The following SCHIP1 variants were observed in gnomAD, a reference collection of about 807,000 sequenced individuals.
The protein encoded by SCHIP1 is schwannomin interacting protein 1, also known as schwannomin-interacting protein 1.
Under a neutral mutation model 29.7 loss-of-function variants are expected in SCHIP1, and 8 were observed. The observed-to-expected ratio is 0.27, with a 90% CI of 0.16 to 0.49. The LOEUF is 0.49. Ranked by LOEUF, SCHIP1 falls within the 20% of genes least tolerant of loss-of-function variation. The pLI is 0.99. For synonymous variants in SCHIP1, 76 were observed against 94.9 expected, an observed-to-expected ratio of 0.80 and a Z score of 1.16; for missense variants, 193 against 294.6, an observed-to-expected ratio of 0.66 and a Z score of 2.52.
At chr3:159,356,807 C>CAGAT in the SCHIP1 span, among the ~76,000 whole-genome samples, 1 of 152,140 alleles carries the variant, frequency 6.6e-6, no homozygotes, top group Non-Finnish European at 1.5e-5. Flanking sequence ...TGGAGGCAGA[C>CAGAT]AGATAGAACA....
chr3:159,384,856 G>A, the SCHIP1 span, among the ~76,000 whole-genome samples: 1 of 152,168 alleles, frequency 6.6e-6, no homozygotes, highest in South Asian at 2.1e-4. Flanking sequence ...ATTTGTCAAG[G>A]AATTTATCCA....
the SCHIP1 span, among the ~76,000 whole-genome samples, chr3:159,565,760 C>T: frequency 6.6e-6 from 1 of 152,184 alleles, no homozygotes; most frequent in East Asian, 1.9e-4. Context: ...TCATTTTAGG[C>T]TTTAAACAAA....
the SCHIP1 span, among the ~76,000 whole-genome samples, chr3:159,428,702 A>G: frequency 6.6e-6 from 1 of 151,608 alleles, no homozygotes; most frequent in East Asian, 1.9e-4. Context: ...CTGGGTATAT[A>G]CCCAAAGGAC....
chr3:159,856,066 G>A (rs1029459082), intron 1 of SCHIP1, among the ~76,000 whole-genome samples: 14 of 152,172 alleles, frequency 9.2e-5, no homozygotes, highest in African/African-American at 3.4e-4. Flanking sequence ...AGCAGAATCC[G>A]AGGTGTATGT....
the SCHIP1 span, among the ~76,000 whole-genome samples, chr3:159,490,940 T>A: frequency 5.9e-4 from 90 of 152,332 alleles, no homozygotes; most frequent in African/African-American, 2.1e-3. Context: ...CCAAGTAAGA[T>A]CCTGGCTTGA....
chr3:159,296,790 A>C, the SCHIP1 span, among the ~76,000 whole-genome samples: 11 of 152,110 alleles, frequency 7.2e-5, no homozygotes, highest in Non-Finnish European at 1.6e-4. Flanking sequence ...AAAAAAAAAA[A>C]ATCTGTTCTC....
At chr3:159,414,711 G>T in the SCHIP1 span, among the ~76,000 whole-genome samples, 1 of 152,136 alleles carries the variant, frequency 6.6e-6, no homozygotes, top group Non-Finnish European at 1.5e-5. Context: ...ACCAGGGACC[G>T]GTTTTATGGA....
the SCHIP1 span, among the ~76,000 whole-genome samples, chr3:159,372,226 TTAAAA>T: frequency 1.3e-5 from 2 of 152,112 alleles, no homozygotes; most frequent in African/African-American, 2.4e-5. Context: ...AAAATTAGTC[TTAAAA>T]TAAGCCATGC....
the SCHIP1 span, among the ~76,000 whole-genome samples, chr3:159,345,357 A>C: frequency 6.6e-6 from 1 of 152,238 alleles, no homozygotes; most frequent in South Asian, 2.1e-4. Flanking sequence ...GCACTTCGGG[A>C]AACCAATCAA....
the SCHIP1 span, among the ~76,000 whole-genome samples, chr3:159,385,602 A>C: frequency 1.8e-4 from 27 of 152,138 alleles, no homozygotes; most frequent in South Asian, 1.5e-3. Context: ...AAAAAAAAAA[A>C]AACCCAGAAA....
the SCHIP1 span, among the ~76,000 whole-genome samples, chr3:159,281,490 GTA>G: frequency 6.6e-6 from 1 of 152,140 alleles, no homozygotes; most frequent in African/African-American, 2.4e-5. Context: ...GAGCTAAAAA[GTA>G]TAGTTTTGAA....
chr3:159,619,964 T>C, the SCHIP1 span, among the ~76,000 whole-genome samples: 1 of 152,160 alleles, frequency 6.6e-6, no homozygotes, highest in Admixed American at 6.5e-5. Context: ...ATTAATAAAA[T>C]CAAATTTACC....
chr3:159,540,381 A>C, the SCHIP1 span, among the ~76,000 whole-genome samples: 1 of 152,122 alleles, frequency 6.6e-6, no homozygotes. Flanking sequence ...TGCATTTTAA[A>C]CATTTAACCA....
chr3:159,319,134 T>C, the SCHIP1 span, among the ~76,000 whole-genome samples: 7 of 152,252 alleles, frequency 4.6e-5, no homozygotes, highest in African/African-American at 1.4e-4. Flanking sequence ...TGATAGAGAC[T>C]GAAAAAAATG....
At chr3:159,421,965 GA>G in the SCHIP1 span, among the ~76,000 whole-genome samples, 1 of 152,106 alleles carries the variant, frequency 6.6e-6, no homozygotes, top group Non-Finnish European at 1.5e-5. Context: ...TAAGTTAAGT[GA>G]AAAAAACTTA....
chr3:159,713,109 C>T, the SCHIP1 span, among the ~76,000 whole-genome samples: 3 of 143,108 alleles, frequency 2.1e-5, no homozygotes, highest in Non-Finnish European at 4.5e-5. Context: ...GAGCCAAGAT[C>T]GAGCCATTGC....
chr3:159,722,850 T>C, the SCHIP1 span, among the ~76,000 whole-genome samples: 1 of 152,214 alleles, frequency 6.6e-6, no homozygotes, highest in African/African-American at 2.4e-5. Flanking sequence ...GAGTCCAATT[T>C]TCTTTGCCCT....
chr3:159,774,278 GCTT>G, the SCHIP1 span, among the ~76,000 whole-genome samples: 1 of 152,064 alleles, frequency 6.6e-6, no homozygotes, highest in Non-Finnish European at 1.5e-5. Context: ...AGATGGTCTT[GCTT>G]CTTTTTGTTG....
At chr3:159,516,756 C>T in the SCHIP1 span, among the ~76,000 whole-genome samples, 1 of 152,152 alleles carries the variant, frequency 6.6e-6, no homozygotes, top group African/African-American at 2.4e-5. Context: ...ACTGCTTAGA[C>T]TCCTCCTGTT....
Sources: allele counts gnomAD v4.1 joint callset (sites outside exome capture counted in the v4.1 genomes callset), GRCh38; gene constraint gnomAD v4.1.1; transcripts MANE v1.5; gene names NCBI Gene and HGNC (gene_info 2026-07-23, HGNC 2026-07-21).